The following SCOC variants were observed in gnomAD, a reference collection of about 807,000 sequenced individuals.
SCOC encodes the protein short coiled coil protein.
Under a neutral mutation model 9.9 loss-of-function variants are expected in SCOC, and 7 were observed. The observed-to-expected ratio is 0.71, with a 90% CI of 0.40 to 1.33. The LOEUF (loss-of-function observed/expected upper bound fraction) is 1.33, where lower values mean the gene tolerates loss of function less well. Among genes scored for constraint, SCOC ranks in the 40% most tolerant of loss-of-function variants. SCOC has a pLI of 0.01. For synonymous variants in SCOC, 19 were observed against 28.2 expected (o/e 0.67, Z 1.03); for missense variants, 66 against 89.7 (o/e 0.74, Z 1.07).
intron 2 of SCOC, among the ~76,000 whole-genome samples, chr4:140,349,713 A>T (rs1726895563): frequency 6.6e-6 from 1 of 152,174 alleles, no homozygotes; most frequent in Non-Finnish European, 1.5e-5. Flanking sequence ...GACCTTGGAA[A>T]TGTTTCTCAA....
At chr4:140,267,377 G>A (rs989747220) in intron 1 of SCOC, among the ~76,000 whole-genome samples, 3 of 152,206 alleles carry the variant, frequency 2.0e-5, no homozygotes, top group Non-Finnish European at 4.4e-5. Flanking sequence ...GATGTGTGCA[G>A]GGGCCTGGAG....
At chr4:140,360,493 A>G (rs367812091) in intron 2 of SCOC, among the ~76,000 whole-genome samples, 3 of 152,242 alleles carry the variant, frequency 2.0e-5, no homozygotes, top group African/African-American at 7.2e-5. Context: ...CCACCACCGG[A>G]ACAGTAAGGA....
At chr4:140,322,179 G>A (rs933062321) in intron 1 of SCOC, among the ~76,000 whole-genome samples, 5 of 152,190 alleles carry the variant, frequency 3.3e-5, no homozygotes, top group Non-Finnish European at 5.9e-5. Context: ...AAATTGGTAC[G>A]AGAGGAGTGA....
intron 1 of SCOC, among the ~76,000 whole-genome samples, chr4:140,317,328 G>A (rs1418793629): frequency 2.6e-5 from 4 of 152,146 alleles, no homozygotes; most frequent in Admixed American, 2.6e-4. Flanking sequence ...GCACAGCACC[G>A]TGTCCTGGGC....
intron 1 of SCOC, chr4:140,291,479 G>A (rs1396526396): frequency 2.2e-6 from 1 of 457,286 alleles, no homozygotes; most frequent in African/African-American, 2.0e-5. Flanking sequence ...TCATTGTAAT[G>A]GATCCATATG....
upstream of SCOC, chr4:140,373,281 C>A: frequency 2.2e-6 from 3 of 1,341,124 alleles, no homozygotes; most frequent in South Asian, 5.1e-5. Flanking sequence ...TGAATGACTT[C>A]TCTGTCGCTC....
chr4:140,318,449 C>T (rs1228965745), intron 1 of SCOC, among the ~76,000 whole-genome samples: 1 of 101,078 alleles, frequency 9.9e-6, no homozygotes, highest in African/African-American at 5.1e-5. Context: ...CAAAAGAAGA[C>T]ATTTATGCAG....
intron 1 of SCOC, among the ~76,000 whole-genome samples, chr4:140,327,221 ACCT>A (rs1732673817): frequency 6.6e-6 from 1 of 152,112 alleles, no homozygotes; most frequent in South Asian, 2.1e-4. Flanking sequence ...AACAGAATTT[ACCT>A]CTGTTCGAAG....
chr4:140,362,299 C>CTTCTTCTTCTTCTTCTTCTTCTTTTTTT (rs367795160), intron 2 of SCOC, among the ~76,000 whole-genome samples: 3 of 38,370 alleles, frequency 7.8e-5, no homozygotes, highest in South Asian at 6.9e-4. Flanking sequence ...TCTTCTTCTT[C>CTTCTTCTTCTTCTTCTTCTTCTTTTTTT]TTTTTTTTTT....
At chr4:140,355,241 A>ATATG (rs1381334790) in intron 2 of SCOC, among the ~76,000 whole-genome samples, 11 of 147,118 alleles carry the variant, frequency 7.5e-5, no homozygotes, top group Non-Finnish European at 1.6e-4. Context: ...ATATATATAT[A>ATATG]TATATATAAT....
At chr4:140,290,448 T>A (rs1731438738) in intron 1 of SCOC, among the ~76,000 whole-genome samples, 1 of 152,206 alleles carries the variant, frequency 6.6e-6, no homozygotes, top group African/African-American at 2.4e-5. Context: ...ATGCCTTTGG[T>A]TCCACTCATT....
At chr4:140,370,804 G>A (rs866083036), upstream of SCOC, among the ~76,000 whole-genome samples, 18 of 151,772 alleles carry the variant, frequency 1.2e-4, no homozygotes, top group South Asian at 4.2e-4. Context: ...CTTTCTGGCC[G>A]TTCAGTTTTC....
At chr4:140,377,359 A>T (rs1487584126) in intron 1 of SCOC, among the ~76,000 whole-genome samples, 1 of 152,224 alleles carries the variant, frequency 6.6e-6, no homozygotes, top group East Asian at 1.9e-4. Flanking sequence ...ATTGTTGGAA[A>T]AATTTTAGTA....
intron 1 of SCOC, among the ~76,000 whole-genome samples, chr4:140,287,487 CAT>C (rs1731322563): frequency 2.6e-5 from 4 of 152,088 alleles, no homozygotes; most frequent in Admixed American, 2.6e-4. Context: ...GCACATGCCA[CAT>C]AGACCATGCA....
At chr4:140,334,753 T>C (rs951530021) in intron 1 of SCOC, among the ~76,000 whole-genome samples, 1 of 152,086 alleles carries the variant, frequency 6.6e-6, no homozygotes, top group Non-Finnish European at 1.5e-5. Flanking sequence ...ACCATTTCTC[T>C]TCCCCTCAGC....
intron 1 of SCOC, among the ~76,000 whole-genome samples, chr4:140,300,376 G>T (rs1057073220): frequency 5.9e-5 from 9 of 152,190 alleles, no homozygotes; most frequent in African/African-American, 2.2e-4. Context: ...ACACTCACGG[G>T]CAGCCTTACA....
intron 1 of SCOC, among the ~76,000 whole-genome samples, chr4:140,261,975 A>T (rs1730642428): frequency 6.6e-6 from 1 of 152,248 alleles, no homozygotes; most frequent in Non-Finnish European, 1.5e-5. Flanking sequence ...TTAAAACACA[A>T]GAGAGGTGTC....
chr4:140,351,599 G>A (rs1027635154), intron 2 of SCOC, among the ~76,000 whole-genome samples: 1 of 152,032 alleles, frequency 6.6e-6, no homozygotes, highest in Non-Finnish European at 1.5e-5. Context: ...CACAATTGTT[G>A]TGTGCTTTTA....
intron 1 of SCOC, among the ~76,000 whole-genome samples, chr4:140,263,201 A>C (rs1730668446): frequency 6.6e-6 from 1 of 152,234 alleles, no homozygotes; most frequent in Non-Finnish European, 1.5e-5. Flanking sequence ...GCTCATGGCC[A>C]GAGTACCTAG....
Sources: gnomAD v4.1 joint callset for allele counts (sites outside exome capture counted in the v4.1 genomes callset) on GRCh38, gnomAD v4.1.1 for gene constraint, MANE v1.5 for transcripts, NCBI Gene and HGNC (gene_info 2026-07-23, HGNC 2026-07-21) for gene names.